SV2B: variants seen among roughly 807,000 people sequenced by gnomAD.
The protein encoded by SV2B is synaptic vesicle glycoprotein 2B, also known as solute carrier family 22 member B2.
In SV2B, 41 loss-of-function variants were observed where a neutral mutation model predicts 73.9. The observed-to-expected ratio is 0.56, with a 90% CI of 0.43 to 0.72. SV2B has a LOEUF of 0.72. Ranked by LOEUF, SV2B falls within the 30% of genes least tolerant of loss-of-function variation. The pLI is 0.00. For synonymous variants in SV2B, 314 were observed against 314.2 expected, an observed-to-expected ratio of 1.00 and a Z score of 0.01; for missense variants, 764 against 857.8, an observed-to-expected ratio of 0.89 and a Z score of 1.37.
At chr15:91,193,202 C>A (rs2045108924) in intron 1 of SV2B, among the ~76,000 whole-genome samples, 1 of 152,110 alleles carries the variant, frequency 6.6e-6, no homozygotes, top group Non-Finnish European at 1.5e-5. Context: ...CGTAAGGGAG[C>A]CCCTGCAAGT....
In SV2B at chr15:91,294,722, T is replaced by C. The variant is rs2285623; in HGVS notation, c.*2170T>C. ...TTAGAGCCTGCATTTCTAGTTAAGA[T>C]GGATCTTGTAAATTTAAAATTGGAT... On this transcript the variant is annotated 3_prime_UTR_variant, in exon 13 of 13. Coordinates refer to ENST00000394232, the MANE Select transcript of SV2B (RefSeq NM_001323032.3). This position sits in a 1 kb window ranked among gnomAD's most constrained non-coding sequence, Gnocchi z 4.1. The C allele has an allele frequency of 2.8e-4, 43 of 152,360 alleles. No individual in the cohort carries two copies. The East Asian group carries it at 7.1e-3, about 25-fold the overall frequency. 9.4% of individuals were successfully genotyped at this position (152,360 alleles called of 1,614,324 possible).
chr15:91,101,624 T>G (rs747749992), intron 1 of SV2B, among the ~76,000 whole-genome samples: 2 of 152,148 alleles, frequency 1.3e-5, no homozygotes, highest in South Asian at 2.1e-4. Context: ...TGGCAGTGAT[T>G]AGTATAAAAA....
intron 1 of SV2B, among the ~76,000 whole-genome samples, chr15:91,127,280 A>G (rs951532228): frequency 6.6e-6 from 1 of 152,168 alleles, no homozygotes; most frequent in African/African-American, 2.4e-5. Flanking sequence ...GGGTGTGGAC[A>G]AGACAAGGTG....
intron 7 of SV2B, 149 bp downstream of exon 7, chr15:91,266,841 C>T (rs1173293976): frequency 1.7e-5 from 10 of 573,274 alleles, no homozygotes; most frequent in African/African-American, 3.8e-5. Flanking sequence ...GTTTGGGCTC[C>T]AGCCCACGTC....
chr15:91,168,769 C>T (rs367838383), intron 1 of SV2B, among the ~76,000 whole-genome samples: 5 of 152,192 alleles, frequency 3.3e-5, no homozygotes, highest in African/African-American at 1.2e-4. Context: ...TCCTCTCATA[C>T]AGTTGCTTTA....
intron 1 of SV2B, among the ~76,000 whole-genome samples, chr15:91,178,589 A>C (rs923986287): frequency 1.3e-5 from 2 of 152,146 alleles, no homozygotes; most frequent in Non-Finnish European, 2.9e-5. Flanking sequence ...TGGTTGATTC[A>C]GAGATTCAAC....
chr15:91,208,243 C>G (rs979293818), intron 1 of SV2B, among the ~76,000 whole-genome samples: 1 of 152,146 alleles, frequency 6.6e-6, no homozygotes, highest in Admixed American at 6.5e-5. Context: ...CCACTAAGCC[C>G]TCTGCATTTT....
rs10696273 is a variant in SV2B at position 91,107,297 on chromosome 15, GTTTATTTATTTA to G, written c.-392+6954_-392+6965del. ...TCAGACTTCATTACTTTATTTGTTT[GTTTATTTATTTA>G]TTTATTTATTTATTTATTTTTTGAG... On this transcript the variant is annotated intron_variant, in intron 1 of 12. Transcript: ENST00000394232. Among the ~76,000 whole-genome samples, 19 of 145,842 alleles carry G rather than the reference GTTTATTTATTTA, an allele frequency of 1.3e-4. No homozygotes were observed. The South Asian group carries it at 3.7e-3, about 29-fold the overall frequency.
In SV2B at chr15:91,242,197, C is replaced by G. The variant is rs565462272; in HGVS notation, c.452-9622C>G. 5.1e-4 allele frequency among the ~76,000 whole-genome samples: 77 copies of G among 152,326 alleles called. No individual in the cohort carries two copies. The highest frequency in any genetic ancestry group is 8.4e-4 in the Non-Finnish European group (57 of 68,040). ...GTTTTCCACCTGCCCATTGGCTGCTCCTTCTTGTTCTCCATCACTGGTCTC... is the reference window on the plus strand; with the variant it reads ...GTTTTCCACCTGCCCATTGGCTGCTGCTTCTTGTTCTCCATCACTGGTCTC... On this transcript the variant is annotated intron_variant, in intron 2 of 12. Coordinates refer to ENST00000394232, the MANE Select transcript of SV2B (RefSeq NM_001323032.3). The surrounding 1 kb of genome is among the most constrained non-coding windows in gnomAD (Gnocchi z 4.9).
chr15:91,259,828 T>A (rs1370149185), intron 5 of SV2B, among the ~76,000 whole-genome samples: 1 of 152,142 alleles, frequency 6.6e-6, no homozygotes, highest in East Asian at 1.9e-4. Context: ...GAAACAAGGC[T>A]CCACCTACTC....
chr15:91,218,368 G>C (rs139799559), intron 1 of SV2B, among the ~76,000 whole-genome samples: 4 of 152,270 alleles, frequency 2.6e-5, no homozygotes, highest in Non-Finnish European at 5.9e-5. Flanking sequence ...ACCTACTTTA[G>C]AGGAAAGTCA....
intron 1 of SV2B, among the ~76,000 whole-genome samples, chr15:91,200,546 C>G (rs11858470): frequency 0.48 from 72,521 of 151,900 alleles, 18,459 homozygotes; most frequent in African/African-American, 0.68. Context: ...GCAGACCTGG[C>G]CCAACTCAGT....
chr15:91,137,948 T>C lies in SV2B; in HGVS notation c.-392+37585T>C, dbSNP rs1447122132. 1.3e-5 allele frequency among the ~76,000 whole-genome samples: 2 copies of C among 152,170 alleles called. No homozygotes were observed. The highest frequency in any genetic ancestry group is 2.9e-5 in the Non-Finnish European group (2 of 68,046). On this transcript the variant is annotated intron_variant, in intron 1 of 12. Coordinates refer to ENST00000394232, the MANE Select transcript of SV2B (RefSeq NM_001323032.3). This position sits in a 1 kb window ranked among gnomAD's most constrained non-coding sequence, Gnocchi z 4.9. Reference sequence around the variant, plus strand: ...TGATAGATGAGGGGAATTTGCTCTTTATAGAAGTATTCCAGCTGACAAATG... The same window carrying C: ...TGATAGATGAGGGGAATTTGCTCTTCATAGAAGTATTCCAGCTGACAAATG...
In SV2B at chr15:91,118,548, C is replaced by A. The variant is rs1214583687; in HGVS notation, c.-392+18185C>A. On this transcript the variant is annotated intron_variant, in intron 1 of 12. Transcript: ENST00000394232. This position sits in a 1 kb window ranked among gnomAD's most constrained non-coding sequence, Gnocchi z 4.7. ...AGCCCCAGGGCTGTCCAGGCTCAAT[C>A]ACAAAAGGAGGAAATCTGCCTGGAG... Among the ~76,000 whole-genome samples, 1 of 152,186 alleles carries A rather than the reference C, an allele frequency of 6.6e-6. No homozygotes were observed. Among genetic ancestry groups the A allele is most frequent in the African/African-American group, 2.4e-5 (1 of 41,440 alleles).
At chr15:91,271,714 A>G (rs984126250) in intron 9 of SV2B, among the ~76,000 whole-genome samples, 1 of 152,256 alleles carries the variant, frequency 6.6e-6, no homozygotes, top group African/African-American at 2.4e-5. Flanking sequence ...AAGCGATCTA[A>G]GGAATGAAAG....
At position 91,224,152 on chromosome 15, in the gene SV2B, C is replaced by A. The variant is rs2046302940; in HGVS notation, c.-391-1721C>A. 6.6e-6 allele frequency among the ~76,000 whole-genome samples: 1 copy of A among 152,178 alleles called. No individual in the cohort carries two copies. Among genetic ancestry groups the A allele is most frequent in the African/African-American group, 2.4e-5 (1 of 41,448 alleles). On this transcript the variant is annotated intron_variant, in intron 1 of 12. Coordinates refer to ENST00000394232, the MANE Select transcript of SV2B (RefSeq NM_001323032.3). The surrounding 1 kb of genome is among the most constrained non-coding windows in gnomAD (Gnocchi z 4.9). ...GTGGGGCAGAGGGCCCAGGGATGGGCTGTGGGCAGAGGGAGGAGTCAAGTA... is the reference window on the plus strand; with the variant it reads ...GTGGGGCAGAGGGCCCAGGGATGGGATGTGGGCAGAGGGAGGAGTCAAGTA...
At chr15:91,163,870 T>A (rs1227333752) in intron 1 of SV2B, among the ~76,000 whole-genome samples, 2 of 152,344 alleles carry the variant, frequency 1.3e-5, no homozygotes, top group African/African-American at 2.4e-5. Context: ...TTGCCTAGGT[T>A]TTCTTCTAGG....
In SV2B at chr15:91,240,187, T is replaced by G. The variant is rs571132549; in HGVS notation, c.452-11632T>G. ...GGTTTTTAAAGATAGGCTGTTTGAC[T>G]TCATATCTTGGCTACATCACTAACC... On this transcript the variant is annotated intron_variant, in intron 2 of 12. Coordinates refer to ENST00000394232, the MANE Select transcript of SV2B (RefSeq NM_001323032.3). This position sits in a 1 kb window ranked among gnomAD's most constrained non-coding sequence, Gnocchi z 4.6. Among the ~76,000 whole-genome samples, 31 of 152,326 alleles carry G rather than the reference T, an allele frequency of 2.0e-4. No individual in the cohort carries two copies. The highest frequency in any genetic ancestry group is 7.2e-4 in the African/African-American group (30 of 41,570).
At chr15:91,175,997 T>A (rs1207292479) in intron 1 of SV2B, among the ~76,000 whole-genome samples, 4 of 152,038 alleles carry the variant, frequency 2.6e-5, no homozygotes, top group Non-Finnish European at 5.9e-5. Context: ...CATTAACTTG[T>A]CATTTAGCAT....
Sources: gnomAD v4.1 joint callset for allele counts (sites outside exome capture counted in the v4.1 genomes callset) on GRCh38, gnomAD v4.1.1 for gene constraint, Gnocchi (gnomAD v3.1) non-coding constraint, MANE v1.5 for transcripts, NCBI Gene and HGNC (gene_info 2026-07-23, HGNC 2026-07-21) for gene names.